The following KIF26B variants were observed in gnomAD, a reference collection of about 807,000 sequenced individuals.
KIF26B encodes kinesin family member 26B.
Under a neutral mutation model 151.2 loss-of-function variants are expected in KIF26B, and 63 were observed. The ratio of observed to expected loss-of-function variants is 0.42; its 90% confidence interval spans 0.34 to 0.51. The LOEUF (loss-of-function observed/expected upper bound fraction) is 0.51, where lower values mean the gene tolerates loss of function less well. Among genes scored for constraint, KIF26B ranks in the 20% least tolerant of loss-of-function variants. KIF26B has a pLI of 0.07. For missense variants in KIF26B, 2,813 were observed against 2,913.6 expected, an observed-to-expected ratio of 0.97 and a Z score of 0.79; for synonymous variants, 1,357 against 1,262.1, an observed-to-expected ratio of 1.08 and a Z score of -1.59.
At chr1:245,229,113 C>G in intron 2 of KIF26B, among the ~76,000 whole-genome samples, 1 of 152,060 alleles carries the variant, frequency 6.6e-6, no homozygotes, top group East Asian at 1.9e-4. Flanking sequence ...ACTACAGGCA[C>G]GTGCCACGAT....
intron 2 of KIF26B, among the ~76,000 whole-genome samples, chr1:245,240,101 C>T (rs1384878898): frequency 1.3e-5 from 2 of 151,816 alleles, no homozygotes; most frequent in East Asian, 1.9e-4. Context: ...ACCCGGGAGG[C>T]GGAGGTTGCA....
At chr1:245,518,845 T>TGTTC (rs1220378913) in intron 4 of KIF26B, among the ~76,000 whole-genome samples, 1 of 152,210 alleles carries the variant, frequency 6.6e-6, no homozygotes, top group East Asian at 1.9e-4. Context: ...TGAAGAATGA[T>TGTTC]GTTCTGGGTA....
chr1:245,555,667 G>C (rs1000547174), intron 5 of KIF26B, among the ~76,000 whole-genome samples: 3 of 152,070 alleles, frequency 2.0e-5, no homozygotes, highest in Admixed American at 1.3e-4. Context: ...TTTTTTGATG[G>C]TTTGTAGGAA....
chr1:245,649,644 A>T (rs2043993251), intron 10 of KIF26B, among the ~76,000 whole-genome samples: 1 of 152,052 alleles, frequency 6.6e-6, no homozygotes, highest in African/African-American at 2.4e-5. Context: ...GGGGAACAAA[A>T]ATAGAAAACC....
chr1:245,353,361 G>T (rs1253168770), intron 2 of KIF26B, among the ~76,000 whole-genome samples: 1 of 152,216 alleles, frequency 6.6e-6, no homozygotes, highest in Non-Finnish European at 1.5e-5. Flanking sequence ...AAGATGTTCT[G>T]CCGGCTCTCC....
chr1:245,491,914 A>T (rs1660416296), intron 4 of KIF26B, among the ~76,000 whole-genome samples: 1 of 152,094 alleles, frequency 6.6e-6, no homozygotes, highest in Non-Finnish European at 1.5e-5. Flanking sequence ...CAAAAGAAAA[A>T]AAAAAAATCT....
intron 2 of KIF26B, among the ~76,000 whole-genome samples, chr1:245,321,163 C>T (rs1427502345): frequency 6.6e-6 from 1 of 152,202 alleles, no homozygotes; most frequent in East Asian, 1.9e-4. Context: ...TCCTTCCCAC[C>T]ATCCACCCTC....
chr1:245,204,772 ATT>A (rs757666210), intron 2 of KIF26B, among the ~76,000 whole-genome samples: 1 of 151,668 alleles, frequency 6.6e-6, no homozygotes, highest in Non-Finnish European at 1.5e-5. Flanking sequence ...CCAGGGCTTT[ATT>A]TTGTGTGATT....
At chr1:245,691,610 C>T (rs551973770) in intron 12 of KIF26B, among the ~76,000 whole-genome samples, 1 of 152,264 alleles carries the variant, frequency 6.6e-6, no homozygotes, top group Admixed American at 6.5e-5. Context: ...AAAACTCCTC[C>T]AAGGAAATTC....
chr1:245,485,412 T>G (rs1350787673), intron 4 of KIF26B, among the ~76,000 whole-genome samples: 1 of 146,056 alleles, frequency 6.8e-6, no homozygotes, highest in East Asian at 2.0e-4. Context: ...GAGACAAAGT[T>G]TCGCTCTGTC....
chr1:245,327,264 C>A (rs1672009863), intron 2 of KIF26B, among the ~76,000 whole-genome samples: 1 of 152,130 alleles, frequency 6.6e-6, no homozygotes, highest in African/African-American at 2.4e-5. Context: ...TTCTTTATTT[C>A]CCCCTTACTT....
chr1:245,191,189 G>A (rs1340803352), intron 2 of KIF26B, among the ~76,000 whole-genome samples: 1 of 151,034 alleles, frequency 6.6e-6, no homozygotes, highest in Non-Finnish European at 1.5e-5. Context: ...ATGCTGGGGA[G>A]AAGTTACCTC....
At chr1:245,551,840 C>T (rs1309266216) in intron 5 of KIF26B, among the ~76,000 whole-genome samples, 1 of 152,168 alleles carries the variant, frequency 6.6e-6, no homozygotes, top group East Asian at 1.9e-4. Context: ...GCCAACCTCC[C>T]CAACCCCAGG....
At chr1:245,574,960 G>T (rs1247269603) in intron 5 of KIF26B, among the ~76,000 whole-genome samples, 1 of 150,438 alleles carries the variant, frequency 6.6e-6, no homozygotes, top group Non-Finnish European at 1.5e-5. Flanking sequence ...CACCTCCCGG[G>T]TTCACGCCAT....
intron 2 of KIF26B, among the ~76,000 whole-genome samples, chr1:245,186,814 G>C (rs1669008365): frequency 3.3e-5 from 5 of 151,964 alleles, no homozygotes; most frequent in Admixed American, 2.0e-4. Flanking sequence ...AAGGAACTAT[G>C]GTAATGTTGG....
At position 245,457,165 on chromosome 1, in the gene KIF26B, CCATA is replaced by C. The variant is rs1159679142; in HGVS notation, c.1166+37421_1166+37424del. Among the ~76,000 whole-genome samples the C allele has an allele frequency of 5.8e-4, 88 of 152,290 alleles. 1 individual carries two copies. The East Asian group carries it at 7.5e-3, about 13-fold the overall frequency. On this transcript the variant is annotated intron_variant, in intron 4 of 14. Coordinates refer to ENST00000407071, the MANE Select transcript of KIF26B (RefSeq NM_018012.4). Reference sequence around the variant, plus strand: ...ACAGGCATGAGCCACTGCACCCAGCCCATAAATGCTTTTTTAATGAGAGAATGAC... The same window carrying C: ...ACAGGCATGAGCCACTGCACCCAGCCAATGCTTTTTTAATGAGAGAATGAC...
chr1:245,607,340 G>T (rs10924249), intron 6 of KIF26B, among the ~76,000 whole-genome samples: 24,383 of 152,186 alleles, frequency 0.16, 2,245 homozygotes, highest in East Asian at 0.35. Flanking sequence ...GGAAGGGAAT[G>T]AGGTTCATGA....
At chr1:245,190,147 C>G (rs1669074362) in intron 2 of KIF26B, among the ~76,000 whole-genome samples, 1 of 152,174 alleles carries the variant, frequency 6.6e-6, no homozygotes, top group Non-Finnish European at 1.5e-5. Context: ...GAAACTGCCC[C>G]CATGATTCAG....
At position 245,416,280 on chromosome 1, in the gene KIF26B, C is replaced by CAAAAAAA. The variant is rs34744401; in HGVS notation, c.1000-3286_1000-3280dup. ...GGGCAACAAGAGCGAAACTCTGTCT[C>CAAAAAAA]AAAAAAAAAAAAAAAAAAAGAATCA... On this transcript the variant is annotated intron_variant, in intron 3 of 14. Coordinates refer to ENST00000407071, the MANE Select transcript of KIF26B (RefSeq NM_018012.4). 5.8e-5 allele frequency among the ~76,000 whole-genome samples: 3 copies of CAAAAAAA among 51,434 alleles called. 1 individual carries two copies. Among genetic ancestry groups the CAAAAAAA allele is most frequent in the African/African-American group, 2.0e-4 (3 of 15,046 alleles). The allele number at this position is 51,434 out of a possible 152,430, so 33.7% of individuals were successfully genotyped here.
Sources: allele counts gnomAD v4.1 joint callset (sites outside exome capture counted in the v4.1 genomes callset), GRCh38; gene constraint gnomAD v4.1.1; transcripts MANE v1.5; gene names NCBI Gene and HGNC (gene_info 2026-07-23, HGNC 2026-07-21).